MAGI1: variants seen among roughly 807,000 people sequenced by gnomAD.
MAGI1 encodes membrane associated guanylate kinase, WW and PDZ domain containing 1.
In MAGI1, 58 loss-of-function variants were observed where a neutral mutation model predicts 139.9. The ratio of observed to expected loss-of-function variants is 0.41; its 90% CI spans 0.34 to 0.52. The LOEUF is 0.52. MAGI1 is among the 20% of genes least tolerant of loss of function. The probability of loss-of-function intolerance (pLI) is 0.12; values close to 1 mark genes in which losing one functional copy is unlikely to be tolerated. For missense variants in MAGI1, 1,874 were observed against 1,901.6 expected, an observed-to-expected ratio of 0.99 and a Z score of 0.27; for synonymous variants, 812 against 737.9, an observed-to-expected ratio of 1.10 and a Z score of -1.63.
At chr3:65,768,111 C>A (rs1015059394) in intron 1 of MAGI1, among the ~76,000 whole-genome samples, 2 of 152,198 alleles carry the variant, frequency 1.3e-5, no homozygotes, top group Non-Finnish European at 2.9e-5. Flanking sequence ...ACCCTTTACA[C>A]AAGTTGCTTA....
chr3:65,669,859 T>A (rs577983324), intron 1 of MAGI1, among the ~76,000 whole-genome samples: 1 of 152,322 alleles, frequency 6.6e-6, no homozygotes, highest in African/African-American at 2.4e-5. Flanking sequence ...TGGTTATTAT[T>A]TGTGCTGTTG....
At chr3:65,383,400 C>A (rs1943206233) in intron 15 of MAGI1, 132 bp downstream of exon 15, 3 of 670,800 alleles carry the variant, frequency 4.5e-6, no homozygotes, top group Non-Finnish European at 8.0e-6. Flanking sequence ...AATGAGAAAC[C>A]CACACTACTC....
chr3:65,917,377 G>A (rs778918416), intron 1 of MAGI1, among the ~76,000 whole-genome samples: 1 of 152,326 alleles, frequency 6.6e-6, no homozygotes, highest in Non-Finnish European at 1.5e-5. Context: ...TGCCACTTTG[G>A]AAGACAGTTT....
In MAGI1 at chr3:65,634,029, G is replaced by T. The variant is rs73127847; in HGVS notation, c.314-11941C>A. Among the ~76,000 whole-genome samples the T allele has an allele frequency of 4.1e-3, 623 of 152,288 alleles. 5 individuals are homozygous for T. Among genetic ancestry groups the T allele is most frequent in the Non-Finnish European group, 4.1e-3 (282 of 68,020 alleles). ...TGAACACTGATTAAGTACTTTCAATGAGCCAGATAGCAATATGAAGCAATA... is the reference window on the plus strand; with the variant it reads ...TGAACACTGATTAAGTACTTTCAATTAGCCAGATAGCAATATGAAGCAATA... On this transcript the variant is annotated intron_variant, in intron 1 of 22. Transcript: ENST00000402939.
chr3:65,962,773 A>C (rs910415324), intron 1 of MAGI1, among the ~76,000 whole-genome samples: 9 of 149,246 alleles, frequency 6.0e-5, no homozygotes, highest in African/African-American at 2.0e-4. Context: ...TGCAGTGAGC[A>C]GAGATCATGC....
At chr3:65,818,720 A>G (rs2041764369) in intron 1 of MAGI1, among the ~76,000 whole-genome samples, 2 of 152,158 alleles carry the variant, frequency 1.3e-5, no homozygotes, top group Non-Finnish European at 1.5e-5. Context: ...GAACTCATAC[A>G]TCTTACTGAG....
chr3:65,852,477 A>T (rs1263635428), intron 1 of MAGI1, among the ~76,000 whole-genome samples: 1 of 151,750 alleles, frequency 6.6e-6, no homozygotes, highest in African/African-American at 2.4e-5. Context: ...TACCATAAAA[A>T]TGTTTGAAGA....
chr3:65,772,738 A>G (rs538734159), intron 1 of MAGI1, among the ~76,000 whole-genome samples: 1 of 152,256 alleles, frequency 6.6e-6, no homozygotes. Flanking sequence ...TATTGCAGGT[A>G]AATGAGTCTA....
chr3:65,869,124 A>G (rs140707044), intron 1 of MAGI1, among the ~76,000 whole-genome samples: 3,804 of 149,664 alleles, frequency 0.025, 81 homozygotes, highest in Middle Eastern at 0.041. Flanking sequence ...GCGTGGTGGC[A>G]GGCGCCTGTA....
chr3:66,032,371 C>G (rs536126955), intron 1 of MAGI1, among the ~76,000 whole-genome samples: 1 of 135,488 alleles, frequency 7.4e-6, no homozygotes, highest in African/African-American at 2.7e-5. Context: ...CCACCACGCC[C>G]GGCTAATTTT....
At position 65,900,798 on chromosome 3, in the gene MAGI1, C is replaced by T. The variant is rs74619232; in HGVS notation, c.313+137198G>A. On this transcript the variant is annotated intron_variant, in intron 1 of 22. Coordinates refer to ENST00000402939, the MANE Select transcript of MAGI1 (RefSeq NM_001033057.2). ...CTGGCCACAGGTGCAGACATCTGAC[C>T]TATTATGAACCATTGAGAATCCTTC... Among the ~76,000 whole-genome samples, 369 of 152,308 alleles carry T rather than the reference C, an allele frequency of 2.4e-3. 2 individuals are homozygous for T. The highest frequency in any genetic ancestry group is 4.2e-3 in the Non-Finnish European group (283 of 68,030).
chr3:65,607,223 T>A (rs192294371), intron 2 of MAGI1, among the ~76,000 whole-genome samples: 1 of 151,650 alleles, frequency 6.6e-6, no homozygotes, highest in African/African-American at 2.4e-5. Flanking sequence ...TGCCTCCCTG[T>A]CAAATAGCTG....
At chr3:65,636,619 C>T (rs2084633532) in intron 1 of MAGI1, among the ~76,000 whole-genome samples, 1 of 151,998 alleles carries the variant, frequency 6.6e-6, no homozygotes, top group Non-Finnish European at 1.5e-5. Flanking sequence ...CCTTAATGAT[C>T]ATTTTTTTCT....
chr3:65,365,109 C>T (rs773015227), intron 18 of MAGI1, 163 bp from the exon 19 acceptor site: 6 of 770,288 alleles, frequency 7.8e-6, no homozygotes, highest in Admixed American at 1.7e-5. Flanking sequence ...TTTAATAAAC[C>T]ATTTTAAGAT....
intron 1 of MAGI1, among the ~76,000 whole-genome samples, chr3:65,942,471 G>T (rs72908921): frequency 6.6e-6 from 1 of 152,024 alleles, no homozygotes; most frequent in African/African-American, 2.4e-5. Flanking sequence ...CCCATTACCC[G>T]GGGGCCAGAA....
chr3:65,843,656 G>A (rs565980185), intron 1 of MAGI1, among the ~76,000 whole-genome samples: 21 of 152,114 alleles, frequency 1.4e-4, no homozygotes, highest in African/African-American at 3.9e-4. Context: ...TCTTCATTTC[G>A]CTCTCCTCAT....
intron 1 of MAGI1, chr3:65,874,283 A>G (rs1346926985): frequency 6.6e-6 from 1 of 152,200 alleles, no homozygotes; most frequent in Non-Finnish European, 1.5e-5. Context: ...CTGTCTCAAA[A>G]AAATTTGTTT....
At chr3:65,973,978 A>C (rs2065130385) in intron 1 of MAGI1, among the ~76,000 whole-genome samples, 1 of 152,160 alleles carries the variant, frequency 6.6e-6, no homozygotes, top group African/African-American at 2.4e-5. Context: ...ATTTCATCTA[A>C]AATTCAGTTT....
intron 1 of MAGI1, among the ~76,000 whole-genome samples, chr3:65,812,506 CT>C (rs2041330559): frequency 7.2e-6 from 1 of 139,054 alleles, no homozygotes; most frequent in Admixed American, 7.1e-5. Flanking sequence ...CTATCATTTT[CT>C]TTTATTTCAG....
Sources: gnomAD v4.1 joint callset for allele counts (sites outside exome capture counted in the v4.1 genomes callset) on GRCh38, gnomAD v4.1.1 for gene constraint, MANE v1.5 for transcripts, NCBI Gene and HGNC (gene_info 2026-07-23, HGNC 2026-07-21) for gene names.